CCSER1: variants seen among roughly 807,000 people sequenced by gnomAD.
The protein encoded by CCSER1 is coiled-coil serine rich protein 1, also known as serine-rich coiled-coil domain-containing protein 1.
Under a neutral mutation model 82.0 loss-of-function variants are expected in CCSER1, and 41 were observed. The observed-to-expected ratio is 0.50, with a 90% CI of 0.39 to 0.65. The LOEUF (loss-of-function observed/expected upper bound fraction) is 0.65, where lower values mean the gene tolerates loss of function less well. CCSER1 is among the 30% of genes least tolerant of loss of function. The probability of loss-of-function intolerance (pLI) is 0.00; values close to 1 mark genes in which losing one functional copy is unlikely to be tolerated. For missense variants in CCSER1, 1,119 were observed against 1,064.2 expected (o/e 1.05, Z -0.72); for synonymous variants, 414 against 383.9 (o/e 1.08, Z -0.92).
chr4:90,828,385 TAGTC>T (rs1398740473), intron 8 of CCSER1, among the ~76,000 whole-genome samples: 1 of 152,134 alleles, frequency 6.6e-6, no homozygotes, highest in Admixed American at 6.6e-5. Flanking sequence ...AAATCTCCCA[TAGTC>T]AGCCAAATAC....
At chr4:90,422,433 A>AAGATTAAAAGATT (rs1756839197) in intron 4 of CCSER1, among the ~76,000 whole-genome samples, 1 of 152,066 alleles carries the variant, frequency 6.6e-6, no homozygotes. Context: ...ATCTTTACAA[A>AAGATTAAAAGATT]ACATAAAAGA....
chr4:91,134,494 A>T (rs552196566), intron 10 of CCSER1, among the ~76,000 whole-genome samples: 1 of 152,190 alleles, frequency 6.6e-6, no homozygotes, highest in South Asian at 2.1e-4. Context: ...GCATCAAGTT[A>T]AATACTGGCA....
chr4:90,163,838 A>G (rs1424932071), intron 1 of CCSER1, among the ~76,000 whole-genome samples: 1 of 152,164 alleles, frequency 6.6e-6, no homozygotes, highest in Non-Finnish European at 1.5e-5. Context: ...TTGTAGTAAT[A>G]AAGTGGGAAT....
intron 5 of CCSER1, among the ~76,000 whole-genome samples, chr4:90,623,902 T>G (rs2148892846): frequency 6.6e-6 from 1 of 152,346 alleles, no homozygotes; most frequent in Non-Finnish European, 1.5e-5. Flanking sequence ...TAGATTTATG[T>G]CATTGTGCTG....
chr4:91,066,410 A>C (rs973856613), intron 9 of CCSER1, among the ~76,000 whole-genome samples: 2 of 152,210 alleles, frequency 1.3e-5, no homozygotes, highest in Non-Finnish European at 2.9e-5. Flanking sequence ...CCTCCTTCGC[A>C]GCCAAGATTT....
chr4:90,465,773 T>A (rs1279279270), intron 4 of CCSER1, among the ~76,000 whole-genome samples: 3 of 152,202 alleles, frequency 2.0e-5, no homozygotes, highest in African/African-American at 7.2e-5. Context: ...GTGGTTTGTG[T>A]ACTGAAGTGC....
At chr4:91,086,158 A>G (rs1430751100) in intron 10 of CCSER1, among the ~76,000 whole-genome samples, 164 bp downstream of exon 10, 2 of 152,076 alleles carry the variant, frequency 1.3e-5, no homozygotes, top group Non-Finnish European at 2.9e-5. Context: ...GCCAAAGCAT[A>G]TTTTACATGT....
chr4:91,238,828 A>C (rs75253284), intron 10 of CCSER1, among the ~76,000 whole-genome samples: 1 of 146,392 alleles, frequency 6.8e-6, no homozygotes, highest in Non-Finnish European at 1.5e-5. Flanking sequence ...TATTTTAAGC[A>C]TTTTTTTTTT....
intron 9 of CCSER1, among the ~76,000 whole-genome samples, chr4:91,048,603 A>G (rs1449653086): frequency 6.6e-6 from 1 of 152,164 alleles, no homozygotes. Flanking sequence ...AATTTCATAC[A>G]TACAATGTAC....
At chr4:91,050,399 C>A (rs1742897180) in intron 9 of CCSER1, among the ~76,000 whole-genome samples, 2 of 149,024 alleles carry the variant, frequency 1.3e-5, no homozygotes, top group South Asian at 4.2e-4. Flanking sequence ...CCACTGCACT[C>A]CATTCTGGGT....
chr4:90,210,397 G>A (rs1428644127), intron 1 of CCSER1, among the ~76,000 whole-genome samples: 1 of 150,750 alleles, frequency 6.6e-6, no homozygotes, highest in Non-Finnish European at 1.5e-5. Context: ...ATAGCTATTT[G>A]TTGTATGAGT....
intron 8 of CCSER1, among the ~76,000 whole-genome samples, chr4:90,914,152 C>T (rs939740364): frequency 1.3e-5 from 2 of 152,182 alleles, no homozygotes; most frequent in Non-Finnish European, 2.9e-5. Context: ...ACCTGATAGA[C>T]ATCTACAGAA....
intron 7 of CCSER1, among the ~76,000 whole-genome samples, chr4:90,796,430 A>C (rs1756048795): frequency 6.6e-6 from 1 of 151,204 alleles, no homozygotes; most frequent in Non-Finnish European, 1.5e-5. Flanking sequence ...AAAAAAAAAA[A>C]AAAAACAGCT....
At chr4:90,128,928 A>C (rs189204127) in intron 1 of CCSER1, among the ~76,000 whole-genome samples, 101 of 152,034 alleles carry the variant, frequency 6.6e-4, no homozygotes, top group Middle Eastern at 3.4e-3. Flanking sequence ...TAAAAAAAAA[A>C]CTCATATTTT....
rs375090018 is a variant in CCSER1 at position 90,628,199 on chromosome 4, G to T, written c.1899G>T (p.Thr633=). 1.2e-6 allele frequency: 2 copies of T among 1,613,710 alleles called. No homozygotes were observed. Among genetic ancestry groups the T allele is most frequent in the Non-Finnish European group, 1.7e-6 (2 of 1,179,732 alleles). Residue 633 remains threonine, a synonymous_variant, in exon 6 of 11, where the codon ACG becomes ACT. Coordinates refer to ENST00000509176, the MANE Select transcript of CCSER1 (RefSeq NM_001145065.2). ...LMLQDCTAVK[T]LLLKMKRVLQ... ...TACAGGACTGCACGGCAGTCAAGAC[G>T]TTATTATTAAAGATGAAGAGAGTTC...
chr4:91,068,706 C>A (rs1394803368), intron 9 of CCSER1, among the ~76,000 whole-genome samples: 1 of 151,958 alleles, frequency 6.6e-6, no homozygotes, highest in African/African-American at 2.4e-5. Context: ...CGTAGACTAC[C>A]ACTGGTTACT....
intron 1 of CCSER1, among the ~76,000 whole-genome samples, chr4:90,300,722 C>A (rs1032329025): frequency 1.3e-5 from 2 of 152,056 alleles, no homozygotes; most frequent in Non-Finnish European, 2.9e-5. Flanking sequence ...GACAGATAGA[C>A]CTATTTAAGT....
At chr4:91,030,659 A>G (rs1000629830) in intron 9 of CCSER1, among the ~76,000 whole-genome samples, 1 of 152,060 alleles carries the variant, frequency 6.6e-6, no homozygotes, top group Non-Finnish European at 1.5e-5. Flanking sequence ...GAGGTTTCAA[A>G]CAAATTGGTT....
At chr4:90,687,352 A>T (rs1735000940) in intron 6 of CCSER1, among the ~76,000 whole-genome samples, 1 of 151,840 alleles carries the variant, frequency 6.6e-6, no homozygotes, top group African/African-American at 2.4e-5. Flanking sequence ...TTTTCAGGAG[A>T]CCCTTCAGAA....
Sources: allele counts gnomAD v4.1 joint callset (sites outside exome capture counted in the v4.1 genomes callset), GRCh38; gene constraint gnomAD v4.1.1; transcripts MANE v1.5; gene names NCBI Gene and HGNC (gene_info 2026-07-23, HGNC 2026-07-21).